ENOX1: variants seen among roughly 807,000 people sequenced by gnomAD.
ENOX1 encodes the protein ecto-NOX disulfide-thiol exchanger 1.
In ENOX1, 42 loss-of-function variants were observed where a neutral mutation model predicts 82.5. The observed-to-expected ratio is 0.51, with a 90% confidence interval of 0.40 to 0.66. The LOEUF (loss-of-function observed/expected upper bound fraction) is 0.66. ENOX1 is among the 30% of genes least tolerant of loss of function. ENOX1 has a pLI of 0.00. For missense variants in ENOX1, 608 were observed against 811.6 expected, an observed-to-expected ratio of 0.75 and a Z score of 3.05; for synonymous variants, 271 against 282.2, an observed-to-expected ratio of 0.96 and a Z score of 0.40.
intron 14 of ENOX1, among the ~76,000 whole-genome samples, chr13:43,248,702 AAAAAT>A (rs1448971795): frequency 6.6e-6 from 1 of 152,112 alleles, no homozygotes; most frequent in Non-Finnish European, 1.5e-5. Flanking sequence ...CATTACAAAT[AAAAAT>A]ATGTATTCAC....
intron 2 of ENOX1, among the ~76,000 whole-genome samples, chr13:43,528,858 A>T (rs893791771): frequency 6.6e-6 from 1 of 152,018 alleles, no homozygotes; most frequent in Non-Finnish European, 1.5e-5. Flanking sequence ...GTCTTTCATC[A>T]TGCTGGGAAA....
chr13:43,315,659 T>C (rs2047436015), intron 11 of ENOX1, among the ~76,000 whole-genome samples: 1 of 152,042 alleles, frequency 6.6e-6, no homozygotes, highest in African/African-American at 2.4e-5. Context: ...ATACTAAGAG[T>C]GTCGATAAAA....
Position 43,224,116 on chromosome 13 carries a change from G to A in ENOX1, c.1737C>T (p.His579=), listed in dbSNP as rs1229496527. 13 of 1,613,666 alleles carry A rather than the reference G, an allele frequency of 8.1e-6. No homozygotes were observed. The highest frequency in any genetic ancestry group is 1.1e-5 in the Non-Finnish European group (13 of 1,179,708). The change falls in exon 16 of 17, where the codon CAC becomes CAT. Residue 579 remains histidine, a synonymous_variant. Transcript: ENST00000690772. ...LLIGIISTFL[H]VHPFGANIEY... is the part of the protein sequence containing the mutation. ...CTATGTTGGCTCCAAAAGGATGGAC[G>A]TGAAGAAACGTTGATATGATACCTG...
At chr13:43,704,916 TAAG>T (rs1380558734) in intron 1 of ENOX1, among the ~76,000 whole-genome samples, 1 of 152,152 alleles carries the variant, frequency 6.6e-6, no homozygotes. Context: ...GGCCATGAGT[TAAG>T]AATAAATACT....
chr13:43,619,310 T>C (rs2082622670), intron 2 of ENOX1, among the ~76,000 whole-genome samples: 1 of 152,102 alleles, frequency 6.6e-6, no homozygotes, highest in Non-Finnish European at 1.5e-5. Context: ...CATCCTTGTC[T>C]TGTTCTCATC....
At chr13:43,214,897 T>C (rs368101887) in intron 16 of ENOX1, among the ~76,000 whole-genome samples, 28 of 152,314 alleles carry the variant, frequency 1.8e-4, no homozygotes, top group African/African-American at 6.5e-4. Context: ...ATATTCTGTT[T>C]GAATATCCCC....
intron 2 of ENOX1, among the ~76,000 whole-genome samples, chr13:43,552,181 A>G (rs1348838325): frequency 1.3e-5 from 2 of 152,108 alleles, no homozygotes; most frequent in Non-Finnish European, 2.9e-5. Context: ...GACAGTTTCA[A>G]CTTCATTGTG....
chr13:43,494,092 C>G (rs9594957), intron 2 of ENOX1, among the ~76,000 whole-genome samples: 1 of 151,908 alleles, frequency 6.6e-6, no homozygotes, highest in East Asian at 1.9e-4. Flanking sequence ...TGATTCAATT[C>G]CCTCCATCTG....
chr13:43,493,663 T>G (rs187015744), intron 2 of ENOX1, among the ~76,000 whole-genome samples: 11 of 152,320 alleles, frequency 7.2e-5, no homozygotes, highest in African/African-American at 1.4e-4. Flanking sequence ...TGGAAACACC[T>G]TCACAGATTC....
chr13:43,471,688 T>TA (rs2058073292), intron 3 of ENOX1, among the ~76,000 whole-genome samples: 1 of 151,754 alleles, frequency 6.6e-6, no homozygotes, highest in African/African-American at 2.4e-5. Flanking sequence ...CAGGCGCCTG[T>TA]AGTCCCAGCT....
intron 1 of ENOX1, among the ~76,000 whole-genome samples, chr13:43,693,742 T>C (rs2086491947): frequency 6.6e-6 from 1 of 152,198 alleles, no homozygotes; most frequent in Non-Finnish European, 1.5e-5. Context: ...TTTATATGCA[T>C]GTTCTCATAT....
At chr13:43,465,531 T>A (rs1462210870) in intron 3 of ENOX1, among the ~76,000 whole-genome samples, 1 of 152,164 alleles carries the variant, frequency 6.6e-6, no homozygotes, top group Non-Finnish European at 1.5e-5. Context: ...TCTCTGAGGA[T>A]CCCTAGTTCC....
intron 2 of ENOX1, among the ~76,000 whole-genome samples, chr13:43,657,506 G>A (rs1311918439): frequency 6.6e-6 from 1 of 152,186 alleles, no homozygotes; most frequent in Non-Finnish European, 1.5e-5. Flanking sequence ...TGGTCCTCAT[G>A]GCTCTGCTGA....
At chr13:43,701,455 G>A (rs1443186358) in intron 1 of ENOX1, among the ~76,000 whole-genome samples, 3 of 152,002 alleles carry the variant, frequency 2.0e-5, no homozygotes, top group Non-Finnish European at 4.4e-5. Flanking sequence ...TATGAATAGG[G>A]TTTATCTGCT....
At chr13:43,232,753 G>A (rs930577) in intron 15 of ENOX1, among the ~76,000 whole-genome samples, 119,204 of 152,112 alleles carry the variant, frequency 0.78, 47,180 homozygotes, top group South Asian at 0.86. Context: ...CTTTGTTACA[G>A]TTAAAAGTTG....
intron 14 of ENOX1, among the ~76,000 whole-genome samples, chr13:43,253,141 T>C: frequency 6.6e-6 from 1 of 152,134 alleles, no homozygotes; most frequent in South Asian, 2.1e-4. Context: ...TGCAAGCAGA[T>C]TTCACAGCTA....
intron 1 of ENOX1, among the ~76,000 whole-genome samples, chr13:43,687,185 G>A (rs1009003790): frequency 6.6e-6 from 1 of 152,058 alleles, no homozygotes; most frequent in Non-Finnish European, 1.5e-5. Context: ...CTTACCATTT[G>A]TATTCCAAGC....
chr13:43,487,767 G>C (rs986945741), intron 2 of ENOX1, among the ~76,000 whole-genome samples: 29 of 152,110 alleles, frequency 1.9e-4, no homozygotes, highest in African/African-American at 7.0e-4. Flanking sequence ...TTTTACTCTG[G>C]AAAGTATAAT....
chr13:43,603,548 C>G (rs1309887746), intron 2 of ENOX1, among the ~76,000 whole-genome samples: 1 of 141,456 alleles, frequency 7.1e-6, no homozygotes, highest in Non-Finnish European at 1.5e-5. Context: ...TCCCCCCACC[C>G]CACAACAGGC....
Sources: allele counts gnomAD v4.1 joint callset (sites outside exome capture counted in the v4.1 genomes callset), GRCh38; gene constraint gnomAD v4.1.1; transcripts MANE v1.5; gene names NCBI Gene and HGNC (gene_info 2026-07-23, HGNC 2026-07-21).